DCHS2: variants seen among roughly 807,000 people sequenced by gnomAD.
DCHS2 encodes protocadherin-23.
A neutral mutation model predicts 182.4 loss-of-function variants in DCHS2; 142 were observed. The observed-to-expected ratio is 0.78, with a 90% confidence interval of 0.68 to 0.89. The LOEUF (loss-of-function observed/expected upper bound fraction) is 0.89, where lower values mean the gene tolerates loss of function less well. Among genes scored for constraint, DCHS2 ranks in the 40% least tolerant of loss-of-function variants. DCHS2 has a pLI of 0.00. For synonymous variants in DCHS2, 1,740 were observed against 1,663.3 expected, an observed-to-expected ratio of 1.05 and a Z score of -1.12; for missense variants, 4,319 against 4,198.6, an observed-to-expected ratio of 1.03 and a Z score of -0.79.
intron 1 of DCHS2, among the ~76,000 whole-genome samples, chr4:154,417,593 A>G (rs888509632): frequency 2.0e-5 from 3 of 152,306 alleles, no homozygotes; most frequent in Middle Eastern, 3.4e-3. Context: ...ACTATTTGGG[A>G]CATGATTATA....
intron 1 of DCHS2, among the ~76,000 whole-genome samples, chr4:154,440,208 A>T (rs1308065553): frequency 6.6e-6 from 1 of 152,190 alleles, no homozygotes; most frequent in African/African-American, 2.4e-5. Flanking sequence ...AAGCTGATGG[A>T]GCCAGTGCCC....
At chr4:154,364,989 T>C (rs1210776852) in intron 3 of DCHS2, among the ~76,000 whole-genome samples, 2 of 152,186 alleles carry the variant, frequency 1.3e-5, no homozygotes, top group Admixed American at 1.3e-4. Context: ...AATGTCATAT[T>C]ATATTTTTGA....
chr4:154,399,477 G>T (rs150059256), intron 1 of DCHS2, among the ~76,000 whole-genome samples: 1 of 152,316 alleles, frequency 6.6e-6, no homozygotes, highest in African/African-American at 2.4e-5. Context: ...GTTGAGGCGT[G>T]GTGATTCAGA....
intron 1 of DCHS2, among the ~76,000 whole-genome samples, chr4:154,435,242 T>C (rs2110943703): frequency 6.6e-6 from 1 of 152,300 alleles, no homozygotes; most frequent in African/African-American, 2.4e-5. Flanking sequence ...AGCTAACTTT[T>C]TAAGATTGAT....
At chr4:154,453,535 C>A (rs1203037300) in intron 1 of DCHS2, among the ~76,000 whole-genome samples, 1 of 152,102 alleles carries the variant, frequency 6.6e-6, no homozygotes, top group Non-Finnish European at 1.5e-5. Flanking sequence ...AATGCCTAAA[C>A]ATGTTGGGGC....
chr4:154,368,283 T>C (rs1730485698), intron 2 of DCHS2, among the ~76,000 whole-genome samples: 1 of 152,306 alleles, frequency 6.6e-6, no homozygotes, highest in Admixed American at 6.5e-5. Context: ...CGAAACTGCC[T>C]TTCTTCTCAG....
intron 4 of DCHS2, 23 bp downstream of exon 4, chr4:154,334,845 C>G: frequency 6.5e-7 from 1 of 1,527,728 alleles, no homozygotes; most frequent in Middle Eastern, 1.7e-4. Context: ...GAATTCCATG[C>G]AGCATAAGAA....
At position 154,491,302 on chromosome 4, in the gene DCHS2, C is replaced by T. The variant is rs552899633; in HGVS notation, c.54G>A (p.Pro18=). 21 of 1,547,832 alleles carry T rather than the reference C, an allele frequency of 1.4e-5. No individual in the cohort carries two copies. The Admixed American group carries it at 1.8e-4, about 13-fold the overall frequency. The change falls in exon 1 of 20, where the codon CCG becomes CCA. Residue 18 remains proline, a synonymous_variant. Transcript: ENST00000357232. ...CGGGGAGCAGAAGGAGCTTCCCGAC[C>T]GGAGCCCGCCGCTGCTGACGCCCTT... is the stretch of plus-strand genomic sequence containing the variant. ...MGEGRQQRRA[P]VGKLLLLPGR...
intron 1 of DCHS2, among the ~76,000 whole-genome samples, chr4:154,397,764 T>G (rs1243686684): frequency 6.6e-6 from 1 of 152,208 alleles, no homozygotes; most frequent in Non-Finnish European, 1.5e-5. Context: ...GATTTCCCAT[T>G]TGTCAATGAA....
intron 13 of DCHS2, among the ~76,000 whole-genome samples, chr4:154,291,654 T>G (rs1187747591): frequency 6.6e-6 from 1 of 152,138 alleles, no homozygotes; most frequent in African/African-American, 2.4e-5. Flanking sequence ...ACAACATGGA[T>G]GGAACTGGAG....
intron 1 of DCHS2, among the ~76,000 whole-genome samples, chr4:154,466,412 CAGAT>C (rs1178205957): frequency 6.6e-6 from 1 of 152,296 alleles, no homozygotes; most frequent in East Asian, 1.9e-4. Context: ...TGCCTGCACA[CAGAT>C]AGAGTAGGAA....
At chr4:154,458,575 G>A (rs553032874) in intron 1 of DCHS2, among the ~76,000 whole-genome samples, 17 of 152,244 alleles carry the variant, frequency 1.1e-4, no homozygotes, top group African/African-American at 1.4e-4. Flanking sequence ...AAGTCGATGA[G>A]CTCAATTTTG....
At chr4:154,333,961 C>T (rs1578977720) in intron 4 of DCHS2, 1 of 157,300 alleles carries the variant, frequency 6.4e-6, no homozygotes, top group Non-Finnish European at 1.4e-5. Context: ...CTCCACTCTC[C>T]AAAGCCTGCG....
intron 1 of DCHS2, among the ~76,000 whole-genome samples, chr4:154,399,843 GGA>G (rs1732083181): frequency 1.3e-5 from 2 of 152,152 alleles, no homozygotes; most frequent in South Asian, 4.1e-4. Context: ...AAACCTAGGG[GGA>G]TCCCTCTGGG....
chr4:154,427,758 T>C (rs1003596952), intron 1 of DCHS2, among the ~76,000 whole-genome samples: 3 of 152,088 alleles, frequency 2.0e-5, no homozygotes, highest in African/African-American at 7.2e-5. Context: ...AAAGAGTGGG[T>C]CTGAAGACTC....
intron 13 of DCHS2, among the ~76,000 whole-genome samples, chr4:154,272,566 A>C (rs528553976): frequency 6.6e-6 from 1 of 152,158 alleles, no homozygotes; most frequent in African/African-American, 2.4e-5. Context: ...TTTATAAGGC[A>C]GTTTTCCCTG....
At chr4:154,486,548 C>A (rs761289905) in intron 1 of DCHS2, 17 of 1,302,290 alleles carry the variant, frequency 1.3e-5, no homozygotes, top group Non-Finnish European at 1.7e-5. Context: ...TTGTAGATGG[C>A]AACAGAAAGA....
At chr4:154,451,729 C>T (rs962807628) in intron 1 of DCHS2, among the ~76,000 whole-genome samples, 9 of 151,116 alleles carry the variant, frequency 6.0e-5, no homozygotes, top group Non-Finnish European at 1.2e-4. Context: ...AATACTGCTT[C>T]TGGTTGTTTA....
intron 16 of DCHS2, among the ~76,000 whole-genome samples, chr4:154,248,741 C>CA (rs1357499537): frequency 6.6e-6 from 1 of 152,052 alleles, no homozygotes; most frequent in Non-Finnish European, 1.5e-5. Context: ...CACAAACACA[C>CA]AGAGTGATGG....
Sources: allele counts gnomAD v4.1 joint callset (sites outside exome capture counted in the v4.1 genomes callset), GRCh38; gene constraint gnomAD v4.1.1; transcripts MANE v1.5; gene names NCBI Gene and HGNC (gene_info 2026-07-23, HGNC 2026-07-21).